IQCJ: variants seen among roughly 807,000 people sequenced by gnomAD.
IQCJ encodes the protein IQ motif containing J, also known as IQ domain-containing protein J.
IQCJ carries 9 observed loss-of-function variants against 11.0 expected under a neutral mutation model. The ratio of observed to expected loss-of-function variants is 0.82; its 90% CI spans 0.49 to 1.43. The LOEUF is 1.43. Ranked by LOEUF, IQCJ falls within the 40% of genes most tolerant of loss-of-function variation. The pLI is 0.00. For missense variants in IQCJ, 146 were observed against 133.2 expected (o/e 1.10, Z -0.47); for synonymous variants, 55 against 51.3 (o/e 1.07, Z -0.31).
intron 1 of IQCJ, among the ~76,000 whole-genome samples, chr3:159,143,453 G>A (rs2108186259): frequency 6.6e-6 from 1 of 152,144 alleles, no homozygotes; most frequent in Non-Finnish European, 1.5e-5. Context: ...TCCCTTCGTT[G>A]CTCTTTTCTT....
At chr3:159,244,755 A>G (rs1727146516) in intron 1 of IQCJ, among the ~76,000 whole-genome samples, 1 of 152,050 alleles carries the variant, frequency 6.6e-6, no homozygotes. Context: ...ATAATGGGAG[A>G]GGTGATCTAG....
chr3:159,198,440 A>G (rs1044237195), intron 1 of IQCJ, among the ~76,000 whole-genome samples: 5 of 152,246 alleles, frequency 3.3e-5, no homozygotes, highest in Non-Finnish European at 7.3e-5. Flanking sequence ...TCATATAAGC[A>G]ATAGGCTGAC....
chr3:159,190,912 T>G (rs776034239), intron 1 of IQCJ, among the ~76,000 whole-genome samples: 2 of 152,164 alleles, frequency 1.3e-5, no homozygotes, highest in Non-Finnish European at 2.9e-5. Context: ...TAGGGGAACA[T>G]TAGACATTGT....
chr3:159,113,493 G>T (rs1484975164), intron 1 of IQCJ, among the ~76,000 whole-genome samples: 1 of 152,196 alleles, frequency 6.6e-6, no homozygotes. Context: ...AGAAGCAAAT[G>T]AATATTCTTA....
intron 1 of IQCJ, among the ~76,000 whole-genome samples, chr3:159,156,815 A>G (rs1287037427): frequency 6.6e-6 from 1 of 152,238 alleles, no homozygotes; most frequent in Non-Finnish European, 1.5e-5. Context: ...CAGTGCCCCA[A>G]TCAATAAAAA....
At chr3:159,074,341 T>C (rs1192647088) in intron 1 of IQCJ, among the ~76,000 whole-genome samples, 1 of 151,772 alleles carries the variant, frequency 6.6e-6, no homozygotes, top group Non-Finnish European at 1.5e-5. Context: ...TAAGGATAAA[T>C]AGGATTTTAA....
chr3:159,081,347 T>G (rs1397797126), intron 1 of IQCJ, among the ~76,000 whole-genome samples: 1 of 152,126 alleles, frequency 6.6e-6, no homozygotes, highest in East Asian at 1.9e-4. Flanking sequence ...AACCAAACAT[T>G]GGCATTGGGA....
chr3:159,104,233 C>G (rs1404460457), intron 1 of IQCJ, among the ~76,000 whole-genome samples: 2 of 152,218 alleles, frequency 1.3e-5, no homozygotes, highest in Non-Finnish European at 2.9e-5. Flanking sequence ...CTCTTGGGAC[C>G]TGGATTTAGA....
chr3:159,091,450 T>G (rs1443758749), intron 1 of IQCJ, among the ~76,000 whole-genome samples: 1 of 151,632 alleles, frequency 6.6e-6, no homozygotes, highest in Non-Finnish European at 1.5e-5. Context: ...CCTAATGGTA[T>G]TAATGGCACT....
intron 1 of IQCJ, among the ~76,000 whole-genome samples, chr3:159,116,665 T>TATATAC (rs1315131508): frequency 9.9e-5 from 2 of 20,302 alleles, no homozygotes; most frequent in African/African-American, 3.8e-4. Flanking sequence ...TATATATATA[T>TATATAC]ATATACACCC....
At position 159,143,218 on chromosome 3, in the gene IQCJ, AACTC is replaced by A. The variant is rs549723981; in HGVS notation, c.9+73780_9+73783del. On this transcript the variant is annotated intron_variant, in intron 1 of 3. Transcript: ENST00000397832. ...GCATCTTTGGTAGCAATGCTTATAA[AACTC>A]ACATAGTCCACAGCAGGACCACATT... 2.8e-3 allele frequency among the ~76,000 whole-genome samples: 419 copies of A among 152,318 alleles called. 2 individuals are homozygous for A. Among genetic ancestry groups the A allele is most frequent in the African/African-American group, 9.7e-3 (404 of 41,568 alleles).
At chr3:159,121,248 C>G (rs1179273284) in intron 1 of IQCJ, among the ~76,000 whole-genome samples, 1 of 151,844 alleles carries the variant, frequency 6.6e-6, no homozygotes, top group African/African-American at 2.4e-5. Flanking sequence ...ATCTTCTCAC[C>G]CCAGCTTCCT....
At chr3:159,248,099 A>C (rs927507991) in intron 2 of IQCJ, among the ~76,000 whole-genome samples, 1 of 152,188 alleles carries the variant, frequency 6.6e-6, no homozygotes, top group Non-Finnish European at 1.5e-5. Flanking sequence ...AGTCCAGACA[A>C]AATTTTTAAC....
Position 159,090,335 on chromosome 3 carries a change from C to A in IQCJ, c.9+20894C>A, listed in dbSNP as rs538188867. On this transcript the variant is annotated intron_variant, in intron 1 of 3. Transcript: ENST00000397832. The stretch of plus-strand genomic sequence containing the variant: ...GAGAACCACTGCTCTCTTCAAAGCT[C>A]AGATGGAAATGCAGAAATCACCCGT... Among the ~76,000 whole-genome samples the A allele has an allele frequency of 4.2e-4, 64 of 151,868 alleles. 3 individuals are homozygous for A. Among genetic ancestry groups the A allele is most frequent in the African/African-American group, 1.5e-3 (63 of 41,196 alleles).
intron 1 of IQCJ, among the ~76,000 whole-genome samples, chr3:159,148,890 G>T (rs1441539735): frequency 6.6e-6 from 1 of 152,154 alleles, no homozygotes; most frequent in Non-Finnish European, 1.5e-5. Context: ...AGGTGCCTCT[G>T]ACACATTTTG....
At position 159,120,273 on chromosome 3, in the gene IQCJ, T is replaced by G. The variant is rs78946201; in HGVS notation, c.9+50832T>G. 5.0e-3 allele frequency among the ~76,000 whole-genome samples: 763 copies of G among 152,274 alleles called. 4 individuals carry two copies. Among genetic ancestry groups the G allele is most frequent in the Non-Finnish European group, 7.0e-3 (474 of 68,014 alleles). ...TCAAAATGCTGCTTGCTTAACATAC[T>G]AAACATTTCTTCTTGTGTGTATCCC... On this transcript the variant is annotated intron_variant, in intron 1 of 3. Transcript: ENST00000397832.
chr3:159,177,881 G>T (rs1315078700), intron 1 of IQCJ, among the ~76,000 whole-genome samples: 5 of 152,156 alleles, frequency 3.3e-5, no homozygotes, highest in Non-Finnish European at 7.3e-5. Context: ...CTGAAAATCA[G>T]TGTTGCCTCA....
chr3:159,201,646 T>TG (rs1724350339), intron 1 of IQCJ, among the ~76,000 whole-genome samples: 1 of 143,872 alleles, frequency 7.0e-6, no homozygotes, highest in Admixed American at 6.9e-5. Flanking sequence ...TTTTTTTTTT[T>TG]TTTTTTGAGA....
At chr3:159,088,723 C>G (rs1381369278) in intron 1 of IQCJ, among the ~76,000 whole-genome samples, 3 of 151,830 alleles carry the variant, frequency 2.0e-5, no homozygotes, top group Admixed American at 6.6e-5. Flanking sequence ...TCTGTTTTAT[C>G]AGAGACTAGG....
Sources: allele counts gnomAD v4.1 joint callset (sites outside exome capture counted in the v4.1 genomes callset), GRCh38; gene constraint gnomAD v4.1.1; transcripts MANE v1.5; gene names NCBI Gene and HGNC (gene_info 2026-07-23, HGNC 2026-07-21).